Variants in EPHB1 observed in about 807,000 individuals in gnomAD.
EPHB1 encodes EPH receptor B1, also known as ephrin type-B receptor 1.
Under a neutral mutation model 94.4 loss-of-function variants are expected in EPHB1, and 30 were observed. That is an observed-to-expected ratio of 0.32 (90% confidence interval 0.24 to 0.43). The LOEUF (loss-of-function observed/expected upper bound fraction) is 0.43, where lower values mean the gene tolerates loss of function less well. Among genes scored for constraint, EPHB1 ranks in the 20% least tolerant of loss-of-function variants. The pLI, the probability that EPHB1 is intolerant of heterozygous loss-of-function variation, is 1.00. For synonymous variants in EPHB1, 522 were observed against 489.1 expected (o/e 1.07, Z -0.89); for missense variants, 1,055 against 1,308.3 (o/e 0.81, Z 2.99).
intron 10 of EPHB1, among the ~76,000 whole-genome samples, chr3:135,191,158 T>TGGAA (rs1942446847): frequency 6.6e-6 from 1 of 151,480 alleles, no homozygotes; most frequent in Non-Finnish European, 1.5e-5. Context: ...GGAGGAAGGA[T>TGGAA]GGAAGGAAGG....
chr3:135,192,723 A>C lies in EPHB1; in HGVS notation c.2030A>C (p.His677Pro). ...GCGAGCATCATGGGCCAGTTCGACCATCCTAACATCATTCGCCTGGAGGGT... is the reference window on the plus strand; with the variant it reads ...GCGAGCATCATGGGCCAGTTCGACCCTCCTAACATCATTCGCCTGGAGGGT... ...SEASIMGQFD[H>P]PNIIRLEGVV... The change falls in exon 11 of 16, where the codon CAT (histidine) becomes CCT (proline). Residue 677 changes from histidine (H) to proline (P), a missense_variant. Coordinates refer to ENST00000398015, the MANE Select transcript of EPHB1 (RefSeq NM_004441.5). The C allele has an allele frequency of 6.2e-7, 1 of 1,614,204 alleles. No homozygotes were observed.
intron 1 of EPHB1, among the ~76,000 whole-genome samples, chr3:134,831,505 A>G (rs1407023126): frequency 6.6e-6 from 1 of 152,238 alleles, no homozygotes. Context: ...CAAAAAAGTA[A>G]TAGAAGTTTG....
At chr3:134,905,964 C>A (rs882340) in intron 1 of EPHB1, among the ~76,000 whole-genome samples, 20,868 of 152,204 alleles carry the variant, frequency 0.14, 1,551 homozygotes, top group Middle Eastern at 0.22. Context: ...GATCTCCTTT[C>A]TCATACCTCT....
intron 1 of EPHB1, among the ~76,000 whole-genome samples, chr3:134,836,443 C>T (rs115866678): frequency 0.012 from 1,767 of 152,158 alleles, 34 homozygotes; most frequent in African/African-American, 0.04. Flanking sequence ...AATGTATTAA[C>T]GCAAATTGAA....
intron 3 of EPHB1, among the ~76,000 whole-genome samples, chr3:135,076,425 A>G (rs1191283644): frequency 6.6e-6 from 1 of 152,180 alleles, no homozygotes; most frequent in East Asian, 1.9e-4. Flanking sequence ...ACACAATGAT[A>G]TACTACTTTA....
intron 3 of EPHB1, among the ~76,000 whole-genome samples, chr3:135,106,226 A>G (rs1156904370): frequency 6.6e-6 from 1 of 152,222 alleles, no homozygotes. Flanking sequence ...CATTTTGTTC[A>G]AGTGAGAGAG....
At chr3:134,818,152 A>G (rs2036305772) in intron 1 of EPHB1, among the ~76,000 whole-genome samples, 1 of 152,182 alleles carries the variant, frequency 6.6e-6, no homozygotes, top group African/African-American at 2.4e-5. Flanking sequence ...TCACACTCCT[A>G]GGTGATTGTA....
intron 2 of EPHB1, among the ~76,000 whole-genome samples, chr3:134,944,055 C>G (rs1429270696): frequency 6.6e-6 from 1 of 152,198 alleles, no homozygotes; most frequent in Non-Finnish European, 1.5e-5. Flanking sequence ...CCCATCACCA[C>G]AATCTCATTT....
At chr3:134,838,054 T>C (rs185272386) in intron 1 of EPHB1, among the ~76,000 whole-genome samples, 19 of 152,218 alleles carry the variant, frequency 1.2e-4, no homozygotes, top group Middle Eastern at 3.4e-3. Context: ...GCTCCAGGAT[T>C]ATGTGGGAGG....
chr3:134,838,001 A>T (rs1249224030), intron 1 of EPHB1, among the ~76,000 whole-genome samples: 2 of 152,114 alleles, frequency 1.3e-5, no homozygotes, highest in African/African-American at 2.4e-5. Flanking sequence ...TGAGGGCAGG[A>T]GTATGAGAAG....
intron 4 of EPHB1, among the ~76,000 whole-genome samples, chr3:135,130,031 A>C (rs1026188531): frequency 1.3e-4 from 20 of 152,176 alleles, no homozygotes; most frequent in Admixed American, 9.8e-4. Context: ...GTCAGGAAGC[A>C]GGGGGGAAAT....
intron 4 of EPHB1, among the ~76,000 whole-genome samples, chr3:135,112,732 T>C (rs7374312): frequency 0.99 from 150,569 of 151,616 alleles, 74,770 homozygotes; most frequent in Middle Eastern, 1. Context: ...TCATTTTTTA[T>C]GGCTGCATAG....
intron 12 of EPHB1, among the ~76,000 whole-genome samples, chr3:135,225,996 G>C (rs973307279): frequency 6.6e-6 from 1 of 152,242 alleles, no homozygotes; most frequent in African/African-American, 2.4e-5. Flanking sequence ...AAAGAGATTA[G>C]TCAGTGGGGA....
At chr3:134,844,782 G>A (rs1277536641) in intron 1 of EPHB1, among the ~76,000 whole-genome samples, 1 of 152,216 alleles carries the variant, frequency 6.6e-6, no homozygotes, top group Non-Finnish European at 1.5e-5. Context: ...CCAGGATGCT[G>A]AGATGATTGT....
intron 3 of EPHB1, among the ~76,000 whole-genome samples, chr3:134,962,434 A>G (rs1390414165): frequency 6.6e-6 from 1 of 152,020 alleles, no homozygotes; most frequent in Non-Finnish European, 1.5e-5. Flanking sequence ...CGTGCCTCCC[A>G]CCGATTTTGG....
intron 3 of EPHB1, among the ~76,000 whole-genome samples, chr3:134,954,015 A>G (rs1466347660): frequency 1.3e-5 from 2 of 152,210 alleles, no homozygotes; most frequent in Non-Finnish European, 2.9e-5. Context: ...TTGCAAACTC[A>G]TTGGAGGGTA....
chr3:134,876,210 A>G (rs1274418114), intron 1 of EPHB1, among the ~76,000 whole-genome samples: 5 of 152,186 alleles, frequency 3.3e-5, no homozygotes, highest in Admixed American at 6.5e-5. Context: ...ACCAGTGATG[A>G]TTGGATAGTG....
At chr3:135,079,387 C>T (rs1382037389) in intron 3 of EPHB1, among the ~76,000 whole-genome samples, 1 of 152,188 alleles carries the variant, frequency 6.6e-6, no homozygotes, top group Non-Finnish European at 1.5e-5. Flanking sequence ...AATTGAGGCC[C>T]ATACCCTTCC....
intron 8 of EPHB1, 63 bp from the exon 9 acceptor site, chr3:135,166,879 G>A: frequency 1.3e-6 from 2 of 1,582,390 alleles, no homozygotes; most frequent in Non-Finnish European, 1.7e-6. Context: ...CCTAGATGGA[G>A]GTACCTGGAA....
Sources: gnomAD v4.1 joint callset for allele counts (sites outside exome capture counted in the v4.1 genomes callset) on GRCh38, gnomAD v4.1.1 for gene constraint, MANE v1.5 for transcripts, NCBI Gene and HGNC (gene_info 2026-07-23, HGNC 2026-07-21) for gene names.